Variants in PTPRG observed in about 807,000 individuals in gnomAD.
The protein encoded by PTPRG is receptor-type tyrosine-protein phosphatase gamma.
PTPRG carries 102 observed loss-of-function variants against 165.3 expected under a neutral mutation model. The observed-to-expected ratio is 0.62, with a 90% CI of 0.53 to 0.73. The LOEUF (loss-of-function observed/expected upper bound fraction) is 0.73. PTPRG is among the 30% of genes least tolerant of loss of function. PTPRG has a pLI of 0.00. For synonymous variants in PTPRG, 675 were observed against 669.5 expected, an observed-to-expected ratio of 1.01 and a Z score of -0.13; for missense variants, 1,866 against 1,861.4, an observed-to-expected ratio of 1.00 and a Z score of -0.05.
intron 2 of PTPRG, among the ~76,000 whole-genome samples, chr3:61,848,021 T>C (rs1438120662): frequency 6.6e-6 from 1 of 152,230 alleles, no homozygotes; most frequent in Non-Finnish European, 1.5e-5. Flanking sequence ...CCATGAGCTG[T>C]AAATACTTAT....
intron 12 of PTPRG, among the ~76,000 whole-genome samples, chr3:62,208,874 T>C (rs898314603): frequency 5.9e-5 from 9 of 152,290 alleles, no homozygotes; most frequent in African/African-American, 1.9e-4. Context: ...GATCCTAGAG[T>C]ACTCCCATGA....
At chr3:62,078,023 A>G (rs1701447631) in intron 4 of PTPRG, 140 bp from the exon 5 acceptor site, 1 of 609,702 alleles carries the variant, frequency 1.6e-6, no homozygotes, top group Middle Eastern at 4.6e-4. Flanking sequence ...AAAAGTTAGC[A>G]AAGGAAAAAT....
chr3:62,221,047 G>A (rs1417441911), intron 13 of PTPRG, among the ~76,000 whole-genome samples: 3 of 152,178 alleles, frequency 2.0e-5, no homozygotes, highest in Non-Finnish European at 4.4e-5. Flanking sequence ...ATTTACTACA[G>A]GTTTCTTATA....
intron 2 of PTPRG, among the ~76,000 whole-genome samples, chr3:61,834,681 C>T (rs188040659): frequency 5.2e-4 from 79 of 152,228 alleles, no homozygotes; most frequent in Admixed American, 7.8e-4. Flanking sequence ...GGCATGGTGG[C>T]GTGTGCCTGT....
chr3:62,091,885 C>A (rs538154897), intron 5 of PTPRG, among the ~76,000 whole-genome samples: 1 of 152,022 alleles, frequency 6.6e-6, no homozygotes, highest in African/African-American at 2.4e-5. Flanking sequence ...GGACGAGATA[C>A]CCCCATACAG....
intron 2 of PTPRG, among the ~76,000 whole-genome samples, chr3:61,832,986 T>C (rs1470103487): frequency 3.9e-5 from 6 of 152,148 alleles, no homozygotes; most frequent in Non-Finnish European, 7.3e-5. Context: ...GTTATATCAC[T>C]TAGAATAATA....
intron 1 of PTPRG, among the ~76,000 whole-genome samples, chr3:61,593,423 A>G (rs965956481): frequency 3.3e-5 from 5 of 151,604 alleles, no homozygotes; most frequent in African/African-American, 1.2e-4. Flanking sequence ...AAAACCAACC[A>G]CAAAAGATGG....
chr3:61,998,933 G>T (rs2041105471), intron 3 of PTPRG, among the ~76,000 whole-genome samples: 1 of 152,234 alleles, frequency 6.6e-6, no homozygotes, highest in African/African-American at 2.4e-5. Context: ...GGAGGCTGGA[G>T]GTCCAAGATT....
At chr3:62,086,195 T>C (rs1701747512) in intron 5 of PTPRG, among the ~76,000 whole-genome samples, 1 of 152,152 alleles carries the variant, frequency 6.6e-6, no homozygotes, top group Admixed American at 6.5e-5. Flanking sequence ...CCTAAATTAA[T>C]CTTTTTATTC....
intron 2 of PTPRG, among the ~76,000 whole-genome samples, chr3:61,910,468 T>C (rs1350299183): frequency 6.6e-6 from 1 of 152,224 alleles, no homozygotes; most frequent in East Asian, 1.9e-4. Flanking sequence ...TGCCTTTCTC[T>C]TGTTGCTGGT....
At chr3:62,049,210 C>A (rs1700394143) in intron 4 of PTPRG, among the ~76,000 whole-genome samples, 1 of 152,056 alleles carries the variant, frequency 6.6e-6, no homozygotes, top group African/African-American at 2.4e-5. Flanking sequence ...TATTCCCTGT[C>A]CACTTAAGAT....
At position 61,822,865 on chromosome 3, in the gene PTPRG, A is replaced by T. The variant is rs1046799670; in HGVS notation, c.190+73883A>T. On this transcript the variant is annotated intron_variant, in intron 2 of 29. Coordinates refer to ENST00000474889, the MANE Select transcript of PTPRG (RefSeq NM_002841.4). ...ACAGTCCTCATACCTTCCCCAAAAA[A>T]GGAGACAGAGGAAAGGCAATATTTG... is the stretch of plus-strand genomic sequence containing the variant. Among the ~76,000 whole-genome samples, 40 of 152,306 alleles carry T rather than the reference A, an allele frequency of 2.6e-4. 2 individuals are homozygous for T. The highest frequency in any genetic ancestry group is 9.1e-4 in the African/African-American group (38 of 41,566).
rs2032275850 is a variant in PTPRG, at chr3:61,726,795, C to G, written c.86-22083C>G. Among the ~76,000 whole-genome samples, 2 of 152,120 alleles carry G rather than the reference C, an allele frequency of 1.3e-5. 1 individual carries two copies. The highest frequency in any genetic ancestry group is 4.2e-4 in the South Asian group (2 of 4,816). ...GGGTGCGGTGGCTCACGCCTGTAATCCCAGCACTTTGGGAGGCCGAGGCGG... is the reference window on the plus strand; with the variant it reads ...GGGTGCGGTGGCTCACGCCTGTAATGCCAGCACTTTGGGAGGCCGAGGCGG... On this transcript the variant is annotated intron_variant, in intron 1 of 29. Coordinates refer to ENST00000474889, the MANE Select transcript of PTPRG (RefSeq NM_002841.4).
chr3:61,575,598 CTT>C (rs34363041), intron 1 of PTPRG, among the ~76,000 whole-genome samples: 96 of 117,288 alleles, frequency 8.2e-4, no homozygotes, highest in African/African-American at 2.9e-3. Context: ...GCACACAGAA[CTT>C]TTTTTTTTTT....
intron 1 of PTPRG, among the ~76,000 whole-genome samples, chr3:61,634,404 A>G (rs1219858083): frequency 2.0e-5 from 3 of 151,634 alleles, no homozygotes; most frequent in African/African-American, 7.3e-5. Flanking sequence ...CGCCCGGCTA[A>G]TTTTTTTGTA....
rs148712938 is a variant in PTPRG at position 61,919,167 on chromosome 3, G to A, written c.191-70458G>A. On this transcript the variant is annotated intron_variant, in intron 2 of 29. Transcript: ENST00000474889. The stretch of plus-strand genomic sequence containing the variant: ...GCTTGGTAAGCATTGCTTTTGAACT[G>A]CCAAGGAGTACTGGTTTTTACATGG... Among the ~76,000 whole-genome samples the A allele has an allele frequency of 3.2e-3, 494 of 152,272 alleles. 2 individuals are homozygous for A. The highest frequency in any genetic ancestry group is 3.6e-3 in the Non-Finnish European group (246 of 68,030).
In PTPRG at chr3:62,222,206, G is replaced by A. The variant is rs1423407804; in HGVS notation, c.2288+3223G>A. ...TTCAAAATGCCTTAAAGCTCAAGGG[G>A]AAAAAAAAAAGTTTGATTCATGGAA... On this transcript the variant is annotated intron_variant, in intron 13 of 29. Transcript: ENST00000474889. This position sits in a 1 kb window ranked among gnomAD's most constrained non-coding sequence, Gnocchi z 4.5. Among the ~76,000 whole-genome samples, 1 of 149,724 alleles carries A rather than the reference G, an allele frequency of 6.7e-6. No individual in the cohort carries two copies. Among genetic ancestry groups the A allele is most frequent in the African/African-American group, 2.4e-5 (1 of 40,834 alleles).
At position 62,254,460 on chromosome 3, in the gene PTPRG, G is replaced by A. The variant is rs925972513; in HGVS notation, c.2468-664G>A. Among the ~76,000 whole-genome samples, 1 of 152,066 alleles carries A rather than the reference G, an allele frequency of 6.6e-6. No homozygotes were observed. Among genetic ancestry groups the A allele is most frequent in the African/African-American group, 2.4e-5 (1 of 41,398 alleles). ...TGAAGTGACAACACGAAATAAATGG[G>A]AATGTGGAGTCTTCCCGAATCTATA... On this transcript the variant is annotated intron_variant, in intron 15 of 29. Coordinates refer to ENST00000474889, the MANE Select transcript of PTPRG (RefSeq NM_002841.4). The surrounding 1 kb of genome is among the most constrained non-coding windows in gnomAD (Gnocchi z 4.6).
Position 61,652,035 on chromosome 3 carries a change from C to T in PTPRG, c.85+89663C>T, listed in dbSNP as rs573093282. ...AATATATATATAAAAGTAGGCCAGG[C>T]GCAGTAGCTTATGCCTGTAATCCCA... is the stretch of plus-strand genomic sequence containing the variant. On this transcript the variant is annotated intron_variant, in intron 1 of 29. Coordinates refer to ENST00000474889, the MANE Select transcript of PTPRG (RefSeq NM_002841.4). Among the ~76,000 whole-genome samples the T allele has an allele frequency of 5.9e-4, 88 of 150,062 alleles. 1 individual carries two copies. The highest frequency in any genetic ancestry group is 2.1e-3 in the African/African-American group (84 of 40,694).
Sources: allele counts gnomAD v4.1 joint callset (sites outside exome capture counted in the v4.1 genomes callset), GRCh38; gene constraint gnomAD v4.1.1; non-coding constraint Gnocchi (gnomAD v3.1); transcripts MANE v1.5; gene names NCBI Gene and HGNC (gene_info 2026-07-23, HGNC 2026-07-21).